Variants in LHFPL6 observed in about 807,000 individuals in gnomAD.
The protein encoded by LHFPL6 is LHFPL tetraspan subfamily member 6 protein.
A neutral mutation model predicts 20.6 loss-of-function variants in LHFPL6; 9 were observed. The observed-to-expected ratio is 0.44, with a 90% CI of 0.26 to 0.76. The LOEUF is 0.76. Ranked by LOEUF, LHFPL6 falls within the 30% of genes least tolerant of loss-of-function variation. The pLI is 0.20. For missense variants in LHFPL6, 218 were observed against 253.5 expected (o/e 0.86, Z 0.95); for synonymous variants, 105 against 98.7 (o/e 1.06, Z -0.38).
At chr13:39,344,180 G>A in intron 3 of LHFPL6, 126 bp from the exon 4 acceptor site, 1 of 655,124 alleles carries the variant, frequency 1.5e-6, no homozygotes, top group Admixed American at 2.9e-5. Flanking sequence ...TCGCTTAAAT[G>A]GAATAATAAT....
rs149246070 is a variant in LHFPL6, at chr13:39,522,953, G to A, written c.385+77879C>T. Among the ~76,000 whole-genome samples, 455 of 152,224 alleles carry A rather than the reference G, an allele frequency of 3.0e-3. 1 individual carries two copies. The highest frequency in any genetic ancestry group is 9.8e-3 in the African/African-American group (408 of 41,520). ...TTAAAGAATGGGTTGAAACTAACAT[G>A]GTTGGAATACCATATGAGTAGGTAT... On this transcript the variant is annotated intron_variant, in intron 2 of 3. Transcript: ENST00000379589.
intron 2 of LHFPL6, among the ~76,000 whole-genome samples, chr13:39,420,345 T>C (rs1187609843): frequency 2.0e-5 from 3 of 152,224 alleles, no homozygotes; most frequent in Non-Finnish European, 4.4e-5. Context: ...CCTTTGTGTC[T>C]TCTTTCTGTA....
intron 2 of LHFPL6, among the ~76,000 whole-genome samples, chr13:39,500,524 G>C (rs554602296): frequency 6.6e-6 from 1 of 152,126 alleles, no homozygotes; most frequent in South Asian, 2.1e-4. Flanking sequence ...CAAAGTTCTG[G>C]CATTATAGGC....
At chr13:39,542,887 C>T (rs767030067) in intron 2 of LHFPL6, among the ~76,000 whole-genome samples, 8 of 152,120 alleles carry the variant, frequency 5.3e-5, no homozygotes, top group Non-Finnish European at 1.0e-4. Flanking sequence ...CCATTTAAAC[C>T]ATTTTAAGTA....
chr13:39,576,932 A>T (rs1007320983), intron 2 of LHFPL6, among the ~76,000 whole-genome samples: 5 of 152,152 alleles, frequency 3.3e-5, no homozygotes, highest in African/African-American at 1.2e-4. Flanking sequence ...CCTGCATTAG[A>T]TATATGAACA....
intron 2 of LHFPL6, among the ~76,000 whole-genome samples, chr13:39,430,383 G>A (rs1332318039): frequency 6.6e-6 from 1 of 152,184 alleles, no homozygotes; most frequent in Non-Finnish European, 1.5e-5. Context: ...GAGATTGGTG[G>A]AAGGACTTAC....
At chr13:39,489,223 G>A (rs574394897) in intron 2 of LHFPL6, among the ~76,000 whole-genome samples, 4 of 152,162 alleles carry the variant, frequency 2.6e-5, no homozygotes, top group Non-Finnish European at 4.4e-5. Context: ...AATACTGACC[G>A]TACTGGGAGG....
chr13:39,392,894 A>G (rs1323788719), intron 2 of LHFPL6, among the ~76,000 whole-genome samples: 1 of 152,088 alleles, frequency 6.6e-6, no homozygotes, highest in Non-Finnish European at 1.5e-5. Flanking sequence ...CATGGATTCA[A>G]CCAGCTGTGG....
chr13:39,405,570 C>G (rs1871096708), intron 2 of LHFPL6, among the ~76,000 whole-genome samples: 1 of 152,212 alleles, frequency 6.6e-6, no homozygotes, highest in Non-Finnish European at 1.5e-5. Context: ...TGGGCTGTCT[C>G]CACAAACTAC....
intron 2 of LHFPL6, among the ~76,000 whole-genome samples, chr13:39,444,879 C>G (rs748117319): frequency 2.0e-5 from 3 of 152,194 alleles, no homozygotes; most frequent in Non-Finnish European, 2.9e-5. Flanking sequence ...CCATGAACCA[C>G]AGAGTCACCA....
rs190768944 is a variant in LHFPL6, at chr13:39,513,811, C to T, written c.385+87021G>A. 4.6e-5 allele frequency among the ~76,000 whole-genome samples: 7 copies of T among 152,298 alleles called. No individual in the cohort carries two copies. The East Asian group carries it at 1.2e-3, about 25-fold the overall frequency. On this transcript the variant is annotated intron_variant, in intron 2 of 3. Coordinates refer to ENST00000379589, the MANE Select transcript of LHFPL6 (RefSeq NM_005780.3). Reference sequence around the variant, plus strand: ...TTATGATCCTACAACATGTATATGACCCTCATTAGTTCACATAATGTCTTT... The same window carrying T: ...TTATGATCCTACAACATGTATATGATCCTCATTAGTTCACATAATGTCTTT...
intron 3 of LHFPL6, among the ~76,000 whole-genome samples, chr13:39,355,831 A>G (rs1869711266): frequency 6.6e-6 from 1 of 152,226 alleles, no homozygotes; most frequent in African/African-American, 2.4e-5. Context: ...CAACAAGAAG[A>G]CTTAACTATC....
intron 3 of LHFPL6, among the ~76,000 whole-genome samples, chr13:39,351,521 A>T (rs887705494): frequency 2.0e-5 from 3 of 152,218 alleles, no homozygotes; most frequent in Admixed American, 2.0e-4. Flanking sequence ...TGGCACTTAT[A>T]TGCCCGAGAA....
chr13:39,592,526 C>T (rs975950500), intron 2 of LHFPL6, among the ~76,000 whole-genome samples: 17 of 152,108 alleles, frequency 1.1e-4, no homozygotes, highest in Non-Finnish European at 2.1e-4. Context: ...GATGCACAGC[C>T]GAATTCTACC....
At chr13:39,545,106 C>T (rs182652007) in intron 2 of LHFPL6, among the ~76,000 whole-genome samples, 75 of 151,738 alleles carry the variant, frequency 4.9e-4, no homozygotes, top group Non-Finnish European at 5.0e-4. Flanking sequence ...ATTAGCTGGG[C>T]GTGGGGACGG....
chr13:39,388,570 A>T (rs1870625474), intron 2 of LHFPL6, among the ~76,000 whole-genome samples: 1 of 152,098 alleles, frequency 6.6e-6, no homozygotes, highest in Admixed American at 6.5e-5. Context: ...CTTCTTTAGG[A>T]CTCAGTTTTC....
At chr13:39,387,286 C>T (rs535587780) in intron 2 of LHFPL6, among the ~76,000 whole-genome samples, 9 of 152,186 alleles carry the variant, frequency 5.9e-5, no homozygotes, top group South Asian at 2.1e-4. Context: ...CGGTGGCTCA[C>T]GCCTGTAATC....
At chr13:39,441,916 G>A (rs9315687) in intron 2 of LHFPL6, among the ~76,000 whole-genome samples, 29,289 of 140,452 alleles carry the variant, frequency 0.21, 3,048 homozygotes, top group East Asian at 0.4. Flanking sequence ...TGCAACCTCC[G>A]CCTCCCAGGT....
intron 2 of LHFPL6, among the ~76,000 whole-genome samples, chr13:39,496,348 G>C (rs947048657): frequency 6.6e-6 from 1 of 152,100 alleles, no homozygotes; most frequent in African/African-American, 2.4e-5. Flanking sequence ...CAACCCTCAT[G>C]ACTTAATCAG....
Sources: allele counts gnomAD v4.1 joint callset (sites outside exome capture counted in the v4.1 genomes callset), GRCh38; gene constraint gnomAD v4.1.1; transcripts MANE v1.5; gene names NCBI Gene and HGNC (gene_info 2026-07-23, HGNC 2026-07-21).